Variants in FERMT2 observed in about 807,000 individuals in gnomAD.
FERMT2 encodes FERM domain containing kindlin 2.
Under a neutral mutation model 82.7 loss-of-function variants are expected in FERMT2, and 15 were observed. The observed-to-expected ratio is 0.18, with a 90% confidence interval of 0.12 to 0.28. FERMT2 has a LOEUF of 0.28. Ranked by LOEUF, FERMT2 falls within the 10% of genes least tolerant of loss-of-function variation. The pLI is 1.00. For missense variants in FERMT2, 645 were observed against 809.4 expected, an observed-to-expected ratio of 0.80 and a Z score of 2.46; for synonymous variants, 274 against 271.5, an observed-to-expected ratio of 1.01 and a Z score of -0.09.
chr14:52,928,014 A>G, intron 2 of FERMT2: 1 of 391,282 alleles, frequency 2.6e-6, no homozygotes, highest in Admixed American at 3.1e-5. Flanking sequence ...TGATCAAATA[A>G]CTTACTTTTT....
intron 3 of FERMT2, among the ~76,000 whole-genome samples, chr14:52,893,710 A>G (rs1399599880): frequency 6.6e-6 from 1 of 152,174 alleles, no homozygotes; most frequent in Non-Finnish European, 1.5e-5. Flanking sequence ...TTTATTTTTT[A>G]TCTAAAACTG....
Position 52,873,375 on chromosome 14 carries a change from GCTT to G in FERMT2, c.1149-455_1149-453del, listed in dbSNP as rs372110173. ...TGGCAGGACTGAAAGTGGGGGATGT[GCTT>G]CTTTCTCCGGGGTAAATTCCAATGG... On this transcript the variant is annotated intron_variant, in intron 9 of 14. Coordinates refer to ENST00000341590, the MANE Select transcript of FERMT2 (RefSeq NM_006832.3). 1.1e-4 allele frequency among the ~76,000 whole-genome samples: 16 copies of G among 152,314 alleles called. No individual in the cohort carries two copies. The East Asian group carries it at 2.3e-3, about 22-fold the overall frequency.
intron 14 of FERMT2, 104 bp from the exon 15 acceptor site, chr14:52,858,654 G>A: frequency 1.0e-6 from 1 of 990,048 alleles, no homozygotes; most frequent in South Asian, 1.6e-5. Context: ...CAAAACACTT[G>A]TTGATCCTCA....
chr14:52,950,863 T>G (rs1200815260), intron 1 of FERMT2, 58 bp downstream of exon 1: 3 of 247,422 alleles, frequency 1.2e-5, no homozygotes, highest in African/African-American at 2.3e-5. Flanking sequence ...GCGGGCTGAC[T>G]CCCCGTTCCC....
At chr14:52,899,666 T>A (rs1031289813) in intron 3 of FERMT2, among the ~76,000 whole-genome samples, 1 of 152,182 alleles carries the variant, frequency 6.6e-6, no homozygotes, top group East Asian at 1.9e-4. Context: ...GGTAGGTAGT[T>A]CCATATTGGA....
intron 4 of FERMT2, among the ~76,000 whole-genome samples, chr14:52,892,705 C>CT (rs1216718893): frequency 6.6e-6 from 1 of 152,168 alleles, no homozygotes; most frequent in Non-Finnish European, 1.5e-5. Context: ...ATCCACCTGC[C>CT]TTGGCTTCCC....
intron 4 of FERMT2, among the ~76,000 whole-genome samples, chr14:52,891,705 CTAAA>C (rs1039919383): frequency 1.7e-4 from 26 of 152,124 alleles, no homozygotes; most frequent in African/African-American, 5.8e-4. Flanking sequence ...CCAGAATGAA[CTAAA>C]TTAGTAAGAT....
intron 6 of FERMT2, among the ~76,000 whole-genome samples, chr14:52,879,834 A>G (rs1340045305): frequency 1.3e-5 from 2 of 152,192 alleles, no homozygotes; most frequent in Admixed American, 6.5e-5. Flanking sequence ...CTACGGGGGA[A>G]AAAAGCTCCA....
rs1890612721 is a variant in FERMT2, at chr14:52,950,968, A to AG, written c.-58dup. 1 of 155,502 alleles carries AG rather than the reference A, an allele frequency of 6.4e-6. No individual in the cohort carries two copies. Among genetic ancestry groups the AG allele is most frequent in the Admixed American group, 6.5e-5 (1 of 15,278 alleles). The allele number at this position is 155,502 out of a possible 1,614,324, so 9.6% of individuals were successfully genotyped here. A position where few individuals can be genotyped will look rare whatever the true frequency, so the allele number is the denominator to read the frequency against. ...CCCGGGACTCGCGCGGCAACAGGCG[A>AG]GGGGCTGGAGGCTCGCGGGGCGGCG... On this transcript the variant is annotated 5_prime_UTR_variant, in exon 1 of 15. Coordinates refer to ENST00000341590, the MANE Select transcript of FERMT2 (RefSeq NM_006832.3).
intron 7 of FERMT2, among the ~76,000 whole-genome samples, chr14:52,877,636 C>CTT (rs1217615051): frequency 2.1e-5 from 2 of 93,788 alleles, no homozygotes; most frequent in South Asian, 3.7e-4. Context: ...CTAATGTCAA[C>CTT]TTTTTGGGTC....
intron 14 of FERMT2, chr14:52,858,862 C>T (rs2140041017): frequency 9.0e-6 from 2 of 223,266 alleles, no homozygotes; most frequent in East Asian, 9.2e-5. Context: ...CTCTTCAAGT[C>T]GTGCAGGAAA....
chr14:52,885,194 T>C (rs998821614), intron 4 of FERMT2, among the ~76,000 whole-genome samples: 4 of 150,682 alleles, frequency 2.7e-5, no homozygotes, highest in Non-Finnish European at 4.4e-5. Flanking sequence ...GCTCCTGTAG[T>C]TCCAGCTACT....
At chr14:52,913,085 A>C (rs1022424140) in intron 3 of FERMT2, among the ~76,000 whole-genome samples, 1 of 152,220 alleles carries the variant, frequency 6.6e-6, no homozygotes, top group Non-Finnish European at 1.5e-5. Context: ...ATTGTTAAAA[A>C]CAGCAACAAC....
chr14:52,887,145 T>C (rs943917800), intron 4 of FERMT2, among the ~76,000 whole-genome samples: 1 of 152,000 alleles, frequency 6.6e-6, no homozygotes, highest in African/African-American at 2.4e-5. Context: ...GCACTTTTTT[T>C]TTTTTTTTGA....
intron 4 of FERMT2, among the ~76,000 whole-genome samples, chr14:52,888,033 C>T (rs184742903): frequency 1.2e-4 from 18 of 152,024 alleles, no homozygotes; most frequent in Admixed American, 9.2e-4. Context: ...AATTGTTGAC[C>T]ATGGAGGAGG....
intron 2 of FERMT2, among the ~76,000 whole-genome samples, chr14:52,937,163 AAATAAT>A (rs902153723): frequency 2.6e-5 from 4 of 151,838 alleles, no homozygotes; most frequent in East Asian, 1.9e-4. Context: ...CTCTGTCTTA[AAATAAT>A]AATAATAATA....
chr14:52,868,841 T>A (rs1288158724), intron 10 of FERMT2, among the ~76,000 whole-genome samples: 1 of 152,160 alleles, frequency 6.6e-6, no homozygotes, highest in Non-Finnish European at 1.5e-5. Context: ...ATAGGGCTTG[T>A]TTAGTAGAAG....
chr14:52,915,401 T>C (rs551261214), intron 3 of FERMT2, among the ~76,000 whole-genome samples: 5 of 152,304 alleles, frequency 3.3e-5, no homozygotes, highest in South Asian at 2.1e-4. Flanking sequence ...GACATTCAAA[T>C]AGTGTACTAT....
At chr14:52,939,828 CA>C in intron 2 of FERMT2, among the ~76,000 whole-genome samples, 1 of 152,212 alleles carries the variant, frequency 6.6e-6, no homozygotes, top group African/African-American at 2.4e-5. Context: ...TTTTTAATTT[CA>C]AAGGTTATAA....
Sources: allele counts gnomAD v4.1 joint callset (sites outside exome capture counted in the v4.1 genomes callset), GRCh38; gene constraint gnomAD v4.1.1; transcripts MANE v1.5; gene names NCBI Gene and HGNC (gene_info 2026-07-23, HGNC 2026-07-21).